PCTP: variants seen among roughly 807,000 people sequenced by gnomAD.
PCTP encodes the protein START domain-containing protein 2.
Under a neutral mutation model 31.0 loss-of-function variants are expected in PCTP, and 27 were observed. That is an observed-to-expected ratio of 0.87 (90% CI 0.64 to 1.20). The LOEUF is 1.20. PCTP is among the 50% of genes most tolerant of loss of function. The pLI is 0.00. For missense variants in PCTP, 287 were observed against 268.2 expected (o/e 1.07, Z -0.49); for synonymous variants, 108 against 101.2 (o/e 1.07, Z -0.40).
intron 5 of PCTP, among the ~76,000 whole-genome samples, chr17:55,838,249 C>T (rs1905842964): frequency 6.6e-6 from 1 of 152,218 alleles, no homozygotes; most frequent in South Asian, 2.1e-4. Context: ...CTTAATACAG[C>T]CTGCAAGCCC....
chr17:55,776,331 TC>T lies in PCTP; in HGVS notation c.*237del. 3.0e-6 allele frequency: 4 copies of T among 1,354,490 alleles called. No homozygotes were observed. The highest frequency in any genetic ancestry group is 3.8e-6 in the Non-Finnish European group (4 of 1,057,338). 83.9% of individuals were successfully genotyped at this position (1,354,490 alleles called of 1,614,324 possible). A position where few individuals can be genotyped will look rare whatever the true frequency, so the allele number is the denominator to read the frequency against. On this transcript the variant is annotated 3_prime_UTR_variant, in exon 6 of 6. Coordinates refer to ENST00000268896, the MANE Select transcript of PCTP (RefSeq NM_021213.4). ...CTCACTCGTCTGCTTCCTTTCTCGCTCCCCCCATCCTGGGCTGGGCTGCCTT... is the reference window on the plus strand; with the variant it reads ...CTCACTCGTCTGCTTCCTTTCTCGCTCCCCCATCCTGGGCTGGGCTGCCTT...
chr17:55,809,459 G>A (rs1345793436), intron 3 of PCTP, among the ~76,000 whole-genome samples: 1 of 151,642 alleles, frequency 6.6e-6, no homozygotes, highest in Non-Finnish European at 1.5e-5. Context: ...ACCAGGACTG[G>A]AACCTACAGC....
At chr17:55,751,488 A>C (rs1162869296) in intron 1 of PCTP, 3 of 1,524,412 alleles carry the variant, frequency 2.0e-6, no homozygotes, top group Non-Finnish European at 2.6e-6. Flanking sequence ...GTCAGGCCCG[A>C]CGGGGCATGT....
Position 55,792,631 on chromosome 17 carries a change from G to A in PCTP, c.317+4977G>A, listed in dbSNP as rs185396956. ...AGATAATTCGTGGATACCTGGGGAGGTGAGTGATTAGAGTTAATTATCCCT... is the reference window on the plus strand; with the variant it reads ...AGATAATTCGTGGATACCTGGGGAGATGAGTGATTAGAGTTAATTATCCCT... On this transcript the variant is annotated intron_variant, in intron 3 of 3. Coordinates refer to the PCTP transcript ENST00000572536. Among the ~76,000 whole-genome samples, 331 of 152,240 alleles carry A rather than the reference G, an allele frequency of 2.2e-3. 1 individual carries two copies. The highest frequency in any genetic ancestry group is 7.7e-3 in the African/African-American group (320 of 41,550).
chr17:55,757,165 T>C (rs980902574), intron 1 of PCTP, among the ~76,000 whole-genome samples: 3 of 151,698 alleles, frequency 2.0e-5, no homozygotes, highest in Admixed American at 6.6e-5. Flanking sequence ...AAGCATGCAT[T>C]GAGTGTGCAT....
At chr17:55,809,037 A>G (rs1401121626) in intron 3 of PCTP, among the ~76,000 whole-genome samples, 1 of 152,218 alleles carries the variant, frequency 6.6e-6, no homozygotes, top group South Asian at 2.1e-4. Context: ...TAAATCCTAC[A>G]TCAGTAGTCT....
chr17:55,775,187 C>G, intron 5 of PCTP: 1 of 1,257,356 alleles, frequency 8.0e-7, no homozygotes, highest in East Asian at 2.8e-5. Context: ...AGCCTATATT[C>G]CTCTGCTTAC....
intron 3 of PCTP, among the ~76,000 whole-genome samples, chr17:55,804,185 A>T (rs1025004546): frequency 1.3e-5 from 2 of 152,218 alleles, no homozygotes; most frequent in Non-Finnish European, 2.9e-5. Flanking sequence ...CTCCAGATAG[A>T]ATGGCGATCA....
At chr17:55,844,024 C>T (rs1401414739), downstream of PCTP, among the ~76,000 whole-genome samples, 1 of 152,218 alleles carries the variant, frequency 6.6e-6, no homozygotes, top group African/African-American at 2.4e-5. Flanking sequence ...TTCTCCCTAA[C>T]CCACAGGAGA....
At chr17:55,792,112 C>T (rs1912008484) in intron 3 of PCTP, among the ~76,000 whole-genome samples, 1 of 134,184 alleles carries the variant, frequency 7.5e-6, no homozygotes, top group South Asian at 2.3e-4. Flanking sequence ...GCAATGAGAA[C>T]ACATGGACAC....
intron 5 of PCTP, among the ~76,000 whole-genome samples, chr17:55,838,119 T>A (rs1372131269): frequency 6.6e-6 from 1 of 151,760 alleles, no homozygotes; most frequent in African/African-American, 2.4e-5. Context: ...CCAGATTGGG[T>A]GACAGAACAA....
At chr17:55,771,345 A>T (rs138529119) in intron 3 of PCTP, 160 bp downstream of exon 3, 1 of 644,698 alleles carries the variant, frequency 1.6e-6, no homozygotes. Context: ...TGCTTCTTGT[A>T]TGGTGTTTGG....
rs73990927 is a variant in PCTP, at chr17:55,763,861, C to G, written c.142-3474C>G. On this transcript the variant is annotated intron_variant, in intron 1 of 5. Coordinates refer to ENST00000268896, the MANE Select transcript of PCTP (RefSeq NM_021213.4). ...TAATGGGTGAGAAAATGCTTTGATT[C>G]AAGAATGTGGACCAGGCTGTTCAGC... is the stretch of plus-strand genomic sequence containing the variant. Among the ~76,000 whole-genome samples, 345 of 152,200 alleles carry G rather than the reference C, an allele frequency of 2.3e-3. 1 individual carries two copies. Among genetic ancestry groups the G allele is most frequent in the African/African-American group, 7.5e-3 (313 of 41,504 alleles).
At chr17:55,842,397 G>A (rs1906011162) in intron 5 of PCTP, among the ~76,000 whole-genome samples, 1 of 152,202 alleles carries the variant, frequency 6.6e-6, no homozygotes, top group Non-Finnish European at 1.5e-5. Flanking sequence ...TCACTGAGAT[G>A]TTGGAAGTCC....
intron 3 of PCTP, among the ~76,000 whole-genome samples, chr17:55,795,210 T>C (rs1188665793): frequency 6.6e-6 from 1 of 152,034 alleles, no homozygotes; most frequent in Non-Finnish European, 1.5e-5. Flanking sequence ...AAACATGTGA[T>C]GTTTACCCTT....
At chr17:55,752,582 G>C (rs1038998828) in intron 1 of PCTP, among the ~76,000 whole-genome samples, 2 of 152,218 alleles carry the variant, frequency 1.3e-5, no homozygotes, top group Admixed American at 1.3e-4. Context: ...TTTGGATGCA[G>C]TCCGTCCCTC....
At chr17:55,781,171 A>G (rs192061480), downstream of PCTP, among the ~76,000 whole-genome samples, 1 of 152,326 alleles carries the variant, frequency 6.6e-6, no homozygotes, top group East Asian at 1.9e-4. Context: ...TGATCTGCAA[A>G]TTTCTGACTT....
chr17:55,751,056 G>A lies in PCTP; in HGVS notation c.-48G>A. On this transcript the variant is annotated 5_prime_UTR_variant, in exon 1 of 6. Transcript: ENST00000268896. ...ACCCCGCCCCCAGGCCCACACTAAG[G>A]GTGTCCGCGGCCTGCCCTCCAGGCG... is the stretch of plus-strand genomic sequence containing the variant. 1 of 1,480,258 alleles carries A rather than the reference G, an allele frequency of 6.8e-7. No homozygotes were observed. Among genetic ancestry groups the A allele is most frequent in the East Asian group, 2.5e-5 (1 of 39,862 alleles). The allele number at this position is 1,480,258 out of a possible 1,614,324, so 91.7% of individuals were successfully genotyped here. A position where few individuals can be genotyped will look rare whatever the true frequency, so the allele number is the denominator to read the frequency against.
rs1405110520 is a variant in PCTP at position 55,751,065 on chromosome 17, G to A, written c.-39G>A. 1.1e-5 allele frequency: 16 copies of A among 1,489,096 alleles called. No individual in the cohort carries two copies. Among genetic ancestry groups the A allele is most frequent in the East Asian group, 2.5e-5 (1 of 39,916 alleles). The allele number at this position is 1,489,096 out of a possible 1,614,324, so 92.2% of individuals were successfully genotyped here. On this transcript the variant is annotated 5_prime_UTR_variant, in exon 1 of 6. Coordinates refer to ENST00000268896, the MANE Select transcript of PCTP (RefSeq NM_021213.4). ...CCAGGCCCACACTAAGGGTGTCCGCGGCCTGCCCTCCAGGCGGAGGAGCCC... is the reference window on the plus strand; with the variant it reads ...CCAGGCCCACACTAAGGGTGTCCGCAGCCTGCCCTCCAGGCGGAGGAGCCC...
Sources: gnomAD v4.1 joint callset for allele counts (sites outside exome capture counted in the v4.1 genomes callset) on GRCh38, gnomAD v4.1.1 for gene constraint, MANE v1.5 for transcripts, NCBI Gene and HGNC (gene_info 2026-07-23, HGNC 2026-07-21) for gene names.